The following GPC5 variants were observed in gnomAD, a reference collection of about 807,000 sequenced individuals.
GPC5 encodes the protein glypican-5.
A neutral mutation model predicts 53.9 loss-of-function variants in GPC5; 47 were observed. The observed-to-expected ratio is 0.87, with a 90% CI of 0.69 to 1.11. GPC5 has a LOEUF of 1.11. GPC5 is among the 50% of genes most tolerant of loss of function. The pLI is 0.00. For synonymous variants in GPC5, 286 were observed against 263.3 expected (o/e 1.09, Z -0.84); for missense variants, 748 against 713.1 (o/e 1.05, Z -0.56).
intron 2 of GPC5, among the ~76,000 whole-genome samples, chr13:91,541,762 AT>A: frequency 6.6e-6 from 1 of 152,130 alleles, no homozygotes; most frequent in East Asian, 1.9e-4. Flanking sequence ...TAATACACAT[AT>A]AACTTCTAGA....
chr13:92,664,047 G>A (rs1886487063), intron 7 of GPC5, among the ~76,000 whole-genome samples: 1 of 151,400 alleles, frequency 6.6e-6, no homozygotes, highest in Non-Finnish European at 1.5e-5. Flanking sequence ...ACTCCAGCCT[G>A]GGCGACAGAG....
intron 7 of GPC5, among the ~76,000 whole-genome samples, chr13:92,681,666 C>T (rs1036118242): frequency 2.0e-5 from 3 of 152,270 alleles, no homozygotes; most frequent in East Asian, 1.9e-4. Flanking sequence ...CTGTCCGTCT[C>T]GCCCTCCTAA....
intron 7 of GPC5, among the ~76,000 whole-genome samples, chr13:92,366,775 C>T (rs920882682): frequency 5.9e-5 from 9 of 152,172 alleles, no homozygotes; most frequent in South Asian, 2.1e-4. Flanking sequence ...ACTTCAACAT[C>T]AACACAAATT....
chr13:92,650,497 T>C (rs1183360327), intron 7 of GPC5, among the ~76,000 whole-genome samples: 1 of 152,148 alleles, frequency 6.6e-6, no homozygotes, highest in African/African-American at 2.4e-5. Flanking sequence ...AATAATTGTG[T>C]TATGAATACT....
chr13:91,919,918 A>G (rs1233289501), intron 6 of GPC5, among the ~76,000 whole-genome samples: 4 of 152,194 alleles, frequency 2.6e-5, no homozygotes, highest in Non-Finnish European at 5.9e-5. Context: ...CTTTGAAGCA[A>G]CTGATCAATT....
At chr13:92,572,946 A>G (rs1883077704) in intron 7 of GPC5, among the ~76,000 whole-genome samples, 1 of 152,216 alleles carries the variant, frequency 6.6e-6, no homozygotes. Context: ...CTTCTTTGAG[A>G]TGGTAAAGCA....
intron 6 of GPC5, among the ~76,000 whole-genome samples, chr13:92,022,028 C>T (rs147238830): frequency 1.8e-3 from 281 of 152,140 alleles, no homozygotes; most frequent in African/African-American, 5.7e-3. Context: ...CAGACAGAGT[C>T]TCGGTCTGTT....
intron 2 of GPC5, among the ~76,000 whole-genome samples, chr13:91,562,282 C>G (rs1452444496): frequency 6.7e-6 from 1 of 148,518 alleles, no homozygotes; most frequent in Non-Finnish European, 1.5e-5. Context: ...ATCTGATGAT[C>G]TATGGATGAC....
intron 7 of GPC5, among the ~76,000 whole-genome samples, chr13:92,185,077 T>C (rs185886706): frequency 6.6e-6 from 1 of 152,294 alleles, no homozygotes; most frequent in African/African-American, 2.4e-5. Context: ...CCCATAGGTT[T>C]GTACACAGTT....
chr13:92,754,056 A>C (rs1362409243), intron 7 of GPC5, among the ~76,000 whole-genome samples: 8 of 152,222 alleles, frequency 5.3e-5, no homozygotes, highest in Non-Finnish European at 7.3e-5. Flanking sequence ...AATGAAGGAA[A>C]AAATGTTAAA....
chr13:92,383,480 C>T (rs561860142), intron 7 of GPC5, among the ~76,000 whole-genome samples: 9 of 152,194 alleles, frequency 5.9e-5, no homozygotes, highest in Admixed American at 5.2e-4. Flanking sequence ...TTTTGCATAC[C>T]TGCAAGAGTA....
At chr13:92,172,795 TG>T (rs2042079961) in intron 7 of GPC5, among the ~76,000 whole-genome samples, 2 of 152,084 alleles carry the variant, frequency 1.3e-5, no homozygotes, top group African/African-American at 4.8e-5. Context: ...ATGTGCAACA[TG>T]ATATCTGAAA....
At chr13:91,908,767 A>AT (rs202164820) in intron 6 of GPC5, among the ~76,000 whole-genome samples, 32 of 148,858 alleles carry the variant, frequency 2.1e-4, no homozygotes, top group South Asian at 4.2e-4. Context: ...AAGAAAGGCT[A>AT]TTTTTTTTTT....
intron 7 of GPC5, among the ~76,000 whole-genome samples, chr13:92,567,057 T>C (rs1244494256): frequency 1.3e-5 from 2 of 152,090 alleles, no homozygotes; most frequent in African/African-American, 2.4e-5. Flanking sequence ...TAGAAGTTGA[T>C]AAAGACTTGA....
chr13:92,709,203 C>T (rs937844450), intron 7 of GPC5, among the ~76,000 whole-genome samples: 6 of 151,260 alleles, frequency 4.0e-5, no homozygotes, highest in African/African-American at 1.5e-4. Flanking sequence ...TGCGCAACCA[C>T]GCCCAGCTAA....
chr13:92,635,137 A>C (rs1433025615), intron 7 of GPC5, among the ~76,000 whole-genome samples: 1 of 152,058 alleles, frequency 6.6e-6, no homozygotes, highest in African/African-American at 2.4e-5. Flanking sequence ...TTCTTATTAC[A>C]TTGTTAAACA....
At chr13:92,087,231 G>A (rs78569758) in intron 6 of GPC5, among the ~76,000 whole-genome samples, 2 of 152,282 alleles carry the variant, frequency 1.3e-5, no homozygotes, top group South Asian at 2.1e-4. Flanking sequence ...TCAGCAATGT[G>A]TCTCAGAGCT....
intron 7 of GPC5, chr13:92,339,969 A>C (rs548547561): frequency 6.6e-6 from 1 of 152,108 alleles, no homozygotes; most frequent in African/African-American, 2.4e-5. Flanking sequence ...GAGGCCAAAA[A>C]TATGCAGGGT....
chr13:91,646,153 A>T (rs1419384126), intron 2 of GPC5, among the ~76,000 whole-genome samples: 1 of 152,196 alleles, frequency 6.6e-6, no homozygotes, highest in Non-Finnish European at 1.5e-5. Flanking sequence ...TAGCCCAGAA[A>T]CCTTATATTA....
Sources: gnomAD v4.1 joint callset for allele counts (sites outside exome capture counted in the v4.1 genomes callset) on GRCh38, gnomAD v4.1.1 for gene constraint, MANE v1.5 for transcripts, NCBI Gene and HGNC (gene_info 2026-07-23, HGNC 2026-07-21) for gene names.